Variants in LRATD1 observed in about 807,000 individuals in gnomAD.
LRATD1 encodes the protein LRAT domain containing 1.
In LRATD1, 8 loss-of-function variants were observed where a neutral mutation model predicts 21.3. That is an observed-to-expected ratio of 0.38 (90% confidence interval 0.22 to 0.68). The LOEUF (loss-of-function observed/expected upper bound fraction) is 0.68. LRATD1 is among the 30% of genes least tolerant of loss of function. The pLI is 0.54. For missense variants in LRATD1, 380 were observed against 404.0 expected (o/e 0.94, Z 0.51); for synonymous variants, 210 against 186.2 (o/e 1.13, Z -1.04).
At chr2:14,647,056 T>TGACTTTTAACAG (rs1376327878) in intron 4 of LRATD1, among the ~76,000 whole-genome samples, 1 of 152,216 alleles carries the variant, frequency 6.6e-6, no homozygotes, top group Non-Finnish European at 1.5e-5. Flanking sequence ...GTCACTGCCC[T>TGACTTTTAACAG]GAGCCTCTAT....
rs1671609166 is a variant in LRATD1 at position 14,633,849 on chromosome 2, C to T, written c.-36-95C>T. 9 of 1,216,402 alleles carry T rather than the reference C, an allele frequency of 7.4e-6. No homozygotes were observed. The highest frequency in any genetic ancestry group is 4.6e-5 in the South Asian group (3 of 64,986). 75.4% of individuals were successfully genotyped at this position (1,216,402 alleles called of 1,614,324 possible). A position where few individuals can be genotyped will look rare whatever the true frequency, so the allele number is the denominator to read the frequency against. ...CTCCGGTGAGGGCACGTAAGCTAGC[C>T]GGCAGGTCCCAGGGGCACTGCACGT... On this transcript the variant is annotated intron_variant, in intron 1 of 1. Transcript: ENST00000295092. This position sits in a 1 kb window ranked among gnomAD's most constrained non-coding sequence, Gnocchi z 7.5.
intron 4 of LRATD1, among the ~76,000 whole-genome samples, chr2:14,648,611 T>A (rs1671935374): frequency 6.6e-6 from 1 of 152,184 alleles, no homozygotes; most frequent in Non-Finnish European, 1.5e-5. Context: ...GTCAAACCCC[T>A]GTAAACACTT....
rs1355879792 is a variant in LRATD1 at position 14,639,770 on chromosome 2, T to C, written c.*4912T>C. The C allele has an allele frequency of 2.4e-5, 4 of 167,114 alleles. No individual in the cohort carries two copies. Among genetic ancestry groups the C allele is most frequent in the Admixed American group, 6.5e-5 (1 of 15,282 alleles). The allele number at this position is 167,114 out of a possible 1,614,324, so 10.4% of individuals were successfully genotyped here. A position where few individuals can be genotyped will look rare whatever the true frequency, so the allele number is the denominator to read the frequency against. On this transcript the variant is annotated 3_prime_UTR_variant, in exon 2 of 2. Coordinates refer to ENST00000295092, the MANE Select transcript of LRATD1 (RefSeq NM_145175.4). ...CTGATAGTAGAAAGCACACAGTAGG[T>C]ACTCCATAAATGTAAGACTATGGCA...
At chr2:14,643,700 A>AC (rs1671843492), downstream of LRATD1, among the ~76,000 whole-genome samples, 1 of 151,558 alleles carries the variant, frequency 6.6e-6, no homozygotes, top group Admixed American at 6.6e-5. Flanking sequence ...TTCCTACAAC[A>AC]CCCCCTACAA....
At chr2:14,644,865 T>C (rs1168030185), downstream of LRATD1, among the ~76,000 whole-genome samples, 2 of 152,172 alleles carry the variant, frequency 1.3e-5, no homozygotes, top group Admixed American at 1.3e-4. Context: ...TGAGGACAAC[T>C]ATCAGATGCA....
At chr2:14,642,912 A>C (rs1003367728), downstream of LRATD1, among the ~76,000 whole-genome samples, 1 of 152,158 alleles carries the variant, frequency 6.6e-6, no homozygotes, top group African/African-American at 2.4e-5. Flanking sequence ...GCACCTCTGG[A>C]CATTTAATTT....
At position 14,634,568 on chromosome 2, in the gene LRATD1, TGCGGCCACCTGGG is replaced by T; in HGVS notation, c.590_602del (p.Cys197SerfsTer211). 1 of 1,492,198 alleles carries T rather than the reference TGCGGCCACCTGGG, an allele frequency of 6.7e-7. No individual in the cohort carries two copies. Among genetic ancestry groups the T allele is most frequent in the Non-Finnish European group, 8.9e-7 (1 of 1,119,378 alleles). 92.4% of individuals were successfully genotyped at this position (1,492,198 alleles called of 1,614,324 possible). On this transcript the variant is annotated frameshift_variant, in exon 2 of 2. Transcript: ENST00000295092. LOFTEE classifies it high-confidence loss of function. ...GGCCGAGCTGGTGGTGCAGAACGCC[TGCGGCCACCTGGG>T]CCTCAAGAGCGAGGAGATCTGCTGG...
intron 2 of LRATD1, among the ~76,000 whole-genome samples, chr2:14,645,183 C>T (rs554070641): frequency 6.6e-6 from 1 of 152,250 alleles, no homozygotes; most frequent in African/African-American, 2.4e-5. Context: ...TTCCAATGGC[C>T]TTTGGCACAT....
chr2:14,644,673 G>A (rs1671865730), downstream of LRATD1, among the ~76,000 whole-genome samples: 1 of 152,096 alleles, frequency 6.6e-6, no homozygotes, highest in East Asian at 1.9e-4. Context: ...TTCTTTAATC[G>A]GTAACTGTGA....
chr2:14,636,684 AT>A lies in LRATD1; in HGVS notation c.*1828del, dbSNP rs1454682601. 1.2e-5 allele frequency: 2 copies of A among 167,152 alleles called. No individual in the cohort carries two copies. Among genetic ancestry groups the A allele is most frequent in the South Asian group, 2.1e-4 (1 of 4,834 alleles). The allele number at this position is 167,152 out of a possible 1,614,324, so 10.4% of individuals were successfully genotyped here. A position where few individuals can be genotyped will look rare whatever the true frequency, so the allele number is the denominator to read the frequency against. ...TTTGTCAAATAATGCTGTTTAGCTAATTGTTGCAAGCAATTGCATATTAACA... is the reference window on the plus strand; with the variant it reads ...TTTGTCAAATAATGCTGTTTAGCTAATGTTGCAAGCAATTGCATATTAACA... On this transcript the variant is annotated 3_prime_UTR_variant, in exon 2 of 2. Coordinates refer to ENST00000295092, the MANE Select transcript of LRATD1 (RefSeq NM_145175.4).
At chr2:14,645,616 T>G (rs1401111343) in intron 2 of LRATD1, among the ~76,000 whole-genome samples, 1 of 152,186 alleles carries the variant, frequency 6.6e-6, no homozygotes, top group African/African-American at 2.4e-5. Flanking sequence ...ATCTGGAATT[T>G]AATAAGGGCT....
At position 14,635,152 on chromosome 2, in the gene LRATD1, G is replaced by A. The variant is rs762247289; in HGVS notation, c.*294G>A. 2 of 676,498 alleles carry A rather than the reference G, an allele frequency of 3.0e-6. No individual in the cohort carries two copies. The highest frequency in any genetic ancestry group is 5.6e-6 in the Non-Finnish European group (2 of 359,224). The allele number at this position is 676,498 out of a possible 1,614,324, so 41.9% of individuals were successfully genotyped here. ...GCTTTCCCCTTGAGATGTAAACCGG[G>A]AACGGGGAAGGGGCTGAGGGGAGAA... On this transcript the variant is annotated 3_prime_UTR_variant, in exon 2 of 2. Transcript: ENST00000295092.
rs1671684383 is a variant in LRATD1 at position 14,636,174 on chromosome 2, A to C, written c.*1316A>C. On this transcript the variant is annotated 3_prime_UTR_variant, in exon 2 of 2. Coordinates refer to ENST00000295092, the MANE Select transcript of LRATD1 (RefSeq NM_145175.4). ...CATTCTGTTTTTCAATATTGTAGTT[A>C]ATTTTTTGGCTTTCAACAGCAGCCC... is the stretch of plus-strand genomic sequence containing the variant. 1 of 172,382 alleles carries C rather than the reference A, an allele frequency of 5.8e-6. No individual in the cohort carries two copies. Among genetic ancestry groups the C allele is most frequent in the Admixed American group, 6.0e-5 (1 of 16,668 alleles). 10.7% of individuals were successfully genotyped at this position (172,382 alleles called of 1,614,324 possible).
At chr2:14,642,831 T>C (rs771863319), downstream of LRATD1, among the ~76,000 whole-genome samples, 1 of 152,190 alleles carries the variant, frequency 6.6e-6, no homozygotes, top group Non-Finnish European at 1.5e-5. Flanking sequence ...TATATGCTTT[T>C]ATATTGATGT....
chr2:14,649,511 T>A, intron 5 of LRATD1: 1 of 382,236 alleles, frequency 2.6e-6, no homozygotes, highest in South Asian at 1.9e-5. Flanking sequence ...TATCAGGAGA[T>A]CCCACCCAAG....
rs554156705 is a variant in LRATD1 at position 14,637,298 on chromosome 2, G to T, written c.*2440G>T. 4 of 167,042 alleles carry T rather than the reference G, an allele frequency of 2.4e-5. No homozygotes were observed. The highest frequency in any genetic ancestry group is 9.6e-5 in the African/African-American group (4 of 41,568). 10.3% of individuals were successfully genotyped at this position (167,042 alleles called of 1,614,324 possible). The stretch of plus-strand genomic sequence containing the variant: ...CTCAAAGAGTGGGACTTCATCAAAA[G>T]AAATGAATTAGTCTCTATCACACCG... On this transcript the variant is annotated 3_prime_UTR_variant, in exon 2 of 2. Coordinates refer to ENST00000295092, the MANE Select transcript of LRATD1 (RefSeq NM_145175.4).
chr2:14,649,660 A>T (rs533492487), downstream of LRATD1: 38 of 267,044 alleles, frequency 1.4e-4, 1 homozygote, highest in South Asian at 1.6e-3. Flanking sequence ...CCTTTGTGCT[A>T]GGCCTGAGGT....
Position 14,639,408 on chromosome 2 carries a change from A to C in LRATD1, c.*4550A>C, listed in dbSNP as rs1419211045. On this transcript the variant is annotated 3_prime_UTR_variant, in exon 2 of 2. Coordinates refer to ENST00000295092, the MANE Select transcript of LRATD1 (RefSeq NM_145175.4). ...TAAAGTGGGGAGGCTATGAGATCAT[A>C]TAATGAGCTAATAAACTTTTCAACA... 1 of 166,972 alleles carries C rather than the reference A, an allele frequency of 6.0e-6. No individual in the cohort carries two copies. The highest frequency in any genetic ancestry group is 1.5e-5 in the Non-Finnish European group (1 of 68,118). 10.3% of individuals were successfully genotyped at this position (166,972 alleles called of 1,614,324 possible). A position where few individuals can be genotyped will look rare whatever the true frequency, so the allele number is the denominator to read the frequency against.
In LRATD1 at chr2:14,638,213, C is replaced by CAAAAAAAAAAAA. The variant is rs879025258; in HGVS notation, c.*3365_*3376dup. The CAAAAAAAAAAAA allele has an allele frequency of 1.2e-5, 1 of 85,002 alleles. No individual in the cohort carries two copies. The highest frequency in any genetic ancestry group is 2.6e-5 in the Non-Finnish European group (1 of 39,038). 5.3% of individuals were successfully genotyped at this position (85,002 alleles called of 1,614,324 possible). A position where few individuals can be genotyped will look rare whatever the true frequency, so the allele number is the denominator to read the frequency against. On this transcript the variant is annotated 3_prime_UTR_variant, in exon 2 of 2. Transcript: ENST00000295092. ...ATGCTGTTATTCTCAAAGTACATTC[C>CAAAAAAAAAAAA]AAAAAAAAAAAAAAAAAAAAACTAT...
Sources: allele counts gnomAD v4.1 joint callset (sites outside exome capture counted in the v4.1 genomes callset), GRCh38; gene constraint gnomAD v4.1.1; non-coding constraint Gnocchi (gnomAD v3.1); transcripts MANE v1.5; gene names NCBI Gene and HGNC (gene_info 2026-07-23, HGNC 2026-07-21).